PPM1L: variants seen among roughly 807,000 people sequenced by gnomAD.
PPM1L encodes the protein protein phosphatase 1L.
Under a neutral mutation model 31.4 loss-of-function variants are expected in PPM1L, and 13 were observed. The ratio of observed to expected loss-of-function variants is 0.41; its 90% confidence interval spans 0.27 to 0.66. PPM1L has a LOEUF of 0.66. Among genes scored for constraint, PPM1L ranks in the 30% least tolerant of loss-of-function variants. The probability of loss-of-function intolerance (pLI) is 0.29; values close to 1 mark genes in which losing one functional copy is unlikely to be tolerated. For synonymous variants in PPM1L, 184 were observed against 175.4 expected, an observed-to-expected ratio of 1.05 and a Z score of -0.39; for missense variants, 326 against 453.7, an observed-to-expected ratio of 0.72 and a Z score of 2.56.
chr3:160,882,558 C>T (rs1712760404), intron 1 of PPM1L, among the ~76,000 whole-genome samples: 1 of 152,176 alleles, frequency 6.6e-6, no homozygotes, highest in South Asian at 2.1e-4. Flanking sequence ...CAGGCCCACT[C>T]TAATCCACTG....
intron 1 of PPM1L, among the ~76,000 whole-genome samples, chr3:160,816,004 C>G (rs1030945531): frequency 6.6e-6 from 1 of 152,090 alleles, no homozygotes; most frequent in Non-Finnish European, 1.5e-5. Context: ...TGAAAGTCAC[C>G]TTATACTCCT....
intron 1 of PPM1L, among the ~76,000 whole-genome samples, chr3:160,920,609 TCTCTCTCACA>T (rs1347704837): frequency 2.2e-4 from 11 of 49,260 alleles, no homozygotes; most frequent in Admixed American, 2.0e-3. Flanking sequence ...TCTCTCTCTC[TCTCTCTCACA>T]CACACACACA....
At chr3:161,028,920 T>C (rs1161362256) in intron 2 of PPM1L, among the ~76,000 whole-genome samples, 1 of 152,204 alleles carries the variant, frequency 6.6e-6, no homozygotes, top group East Asian at 1.9e-4. Context: ...TCAGTATGGA[T>C]TCAGGGAGGT....
intron 1 of PPM1L, among the ~76,000 whole-genome samples, chr3:160,783,640 AT>A (rs1711814891): frequency 1.3e-5 from 2 of 151,962 alleles, no homozygotes; most frequent in Non-Finnish European, 2.9e-5. Flanking sequence ...AAAGAAAGAA[AT>A]TAAATAATGG....
At position 160,944,853 on chromosome 3, in the gene PPM1L, TATATTATATATA is replaced by T. The variant is rs1385504116; in HGVS notation, c.400-16880_400-16869del. ...TAACATATATATGTTATATATAACA[TATATTATATATA>T]ATGTTATATATAACATATATATTAT... On this transcript the variant is annotated intron_variant, in intron 1 of 3. Coordinates refer to ENST00000498165, the MANE Select transcript of PPM1L (RefSeq NM_139245.4). Among the ~76,000 whole-genome samples, 49 of 41,434 alleles carry T rather than the reference TATATTATATATA, an allele frequency of 1.2e-3. 9 individuals are homozygous for T. The highest frequency in any genetic ancestry group is 1.7e-3 in the Admixed American group (6 of 3,500). The allele number at this position is 41,434 out of a possible 152,430, so 27.2% of individuals were successfully genotyped here.
At chr3:161,012,898 T>A (rs1475850580) in intron 2 of PPM1L, among the ~76,000 whole-genome samples, 1 of 152,164 alleles carries the variant, frequency 6.6e-6, no homozygotes, top group East Asian at 1.9e-4. Context: ...TCTATTTGAT[T>A]CTTCTCTCTT....
intron 1 of PPM1L, among the ~76,000 whole-genome samples, chr3:160,954,547 A>G (rs1715675671): frequency 6.6e-6 from 1 of 151,856 alleles, no homozygotes; most frequent in Non-Finnish European, 1.5e-5. Flanking sequence ...TATTTTTAGT[A>G]GAGACAGGGT....
At chr3:161,018,655 T>G (rs1378769197) in intron 2 of PPM1L, among the ~76,000 whole-genome samples, 2 of 152,204 alleles carry the variant, frequency 1.3e-5, no homozygotes, top group Non-Finnish European at 2.9e-5. Flanking sequence ...TTATACACTT[T>G]CCAATTATTA....
chr3:160,988,695 A>G (rs911799199), intron 2 of PPM1L, among the ~76,000 whole-genome samples: 2 of 152,296 alleles, frequency 1.3e-5, no homozygotes, highest in South Asian at 4.1e-4. Context: ...TGATTTTCTC[A>G]GGATCTCAGA....
chr3:160,817,001 A>G (rs1213537926), intron 1 of PPM1L, among the ~76,000 whole-genome samples: 1 of 152,116 alleles, frequency 6.6e-6, no homozygotes, highest in Non-Finnish European at 1.5e-5. Flanking sequence ...TAACATTGGC[A>G]TAAAGAAGAA....
chr3:161,040,711 C>A (rs966001013), intron 2 of PPM1L, among the ~76,000 whole-genome samples: 1 of 151,844 alleles, frequency 6.6e-6, no homozygotes, highest in African/African-American at 2.4e-5. Flanking sequence ...TTTTATCTTG[C>A]CCAAATTCCT....
chr3:160,906,198 T>C (rs939715585), intron 1 of PPM1L, among the ~76,000 whole-genome samples: 1 of 152,112 alleles, frequency 6.6e-6, no homozygotes, highest in Non-Finnish European at 1.5e-5. Context: ...AAAAACAAGG[T>C]GAGGTGTCTG....
At chr3:160,924,508 C>G (rs758882598) in intron 1 of PPM1L, among the ~76,000 whole-genome samples, 1 of 152,168 alleles carries the variant, frequency 6.6e-6, no homozygotes, top group Non-Finnish European at 1.5e-5. Flanking sequence ...AGCCTAATAA[C>G]CAATGGGACA....
chr3:161,011,646 T>C (rs1717899245), intron 2 of PPM1L, among the ~76,000 whole-genome samples: 1 of 152,136 alleles, frequency 6.6e-6, no homozygotes, highest in Admixed American at 6.6e-5. Flanking sequence ...TTCCTATCCA[T>C]GAGCATGGAA....
rs555072306 is a variant in PPM1L at position 161,072,903 on chromosome 3, A to G, written c.*3746A>G. On this transcript the variant is annotated 3_prime_UTR_variant, in exon 4 of 4. Transcript: ENST00000498165. ...CTTTTGACCCACAACTAGACTGTTC[A>G]TACCCTAATAGTTCCCCAAAATTGC... 5 of 152,366 alleles carry G rather than the reference A, an allele frequency of 3.3e-5. No individual in the cohort carries two copies. Among genetic ancestry groups the G allele is most frequent in the Admixed American group, 3.3e-4 (5 of 15,304 alleles). 9.4% of individuals were successfully genotyped at this position (152,366 alleles called of 1,614,324 possible). A position where few individuals can be genotyped will look rare whatever the true frequency, so the allele number is the denominator to read the frequency against.
intron 1 of PPM1L, among the ~76,000 whole-genome samples, chr3:160,951,854 G>A (rs1715585316): frequency 6.6e-6 from 1 of 152,180 alleles, no homozygotes; most frequent in African/African-American, 2.4e-5. Flanking sequence ...TATGCCCTCT[G>A]TGGTAGTCGC....
intron 1 of PPM1L, among the ~76,000 whole-genome samples, chr3:160,888,267 C>T (rs775359200): frequency 6.6e-6 from 1 of 152,102 alleles, no homozygotes; most frequent in African/African-American, 2.4e-5. Flanking sequence ...GACCCATTAG[C>T]GTGCCATATT....
intron 2 of PPM1L, among the ~76,000 whole-genome samples, chr3:161,008,104 C>T (rs182489720): frequency 6.6e-6 from 1 of 152,304 alleles, no homozygotes; most frequent in East Asian, 1.9e-4. Flanking sequence ...GAAACCAGAA[C>T]TCCTTTTCCC....
At chr3:161,009,366 A>C (rs1717813602) in intron 2 of PPM1L, among the ~76,000 whole-genome samples, 1 of 152,212 alleles carries the variant, frequency 6.6e-6, no homozygotes, top group East Asian at 1.9e-4. Context: ...ACATATGAAT[A>C]GTTAAAATAA....
Sources: allele counts gnomAD v4.1 joint callset (sites outside exome capture counted in the v4.1 genomes callset), GRCh38; gene constraint gnomAD v4.1.1; transcripts MANE v1.5; gene names NCBI Gene and HGNC (gene_info 2026-07-23, HGNC 2026-07-21).